Variants in RBFOX3 observed in about 807,000 individuals in gnomAD.
RBFOX3 encodes the protein RNA binding protein fox-1 homolog 3.
RBFOX3 carries 17 observed loss-of-function variants against 48.7 expected under a neutral mutation model. That is an observed-to-expected ratio of 0.35 (90% CI 0.24 to 0.52). RBFOX3 has a LOEUF of 0.52. Among genes scored for constraint, RBFOX3 ranks in the 20% least tolerant of loss-of-function variants. The pLI is 0.94. For missense variants in RBFOX3, 382 were observed against 497.5 expected, an observed-to-expected ratio of 0.77 and a Z score of 2.21; for synonymous variants, 212 against 209.5, an observed-to-expected ratio of 1.01 and a Z score of -0.10.
chr17:79,475,791 T>A (rs2077652753), intron 2 of RBFOX3, among the ~76,000 whole-genome samples: 1 of 152,126 alleles, frequency 6.6e-6, no homozygotes, highest in East Asian at 1.9e-4. Context: ...TGACAGTGCA[T>A]CTATAAGCCA....
At chr17:79,637,010 T>C in the RBFOX3 span, among the ~76,000 whole-genome samples, 1 of 152,224 alleles carries the variant, frequency 6.6e-6, no homozygotes, top group East Asian at 1.9e-4. Context: ...GTGGCTATGC[T>C]TATGTCAGAT....
the RBFOX3 span, among the ~76,000 whole-genome samples, chr17:79,653,550 G>C: frequency 6.6e-6 from 1 of 152,110 alleles, no homozygotes; most frequent in African/African-American, 2.4e-5. Context: ...ATAAAAACCC[G>C]ATCTACCATA....
intron 2 of RBFOX3, among the ~76,000 whole-genome samples, chr17:79,333,038 T>G: frequency 1.4e-5 from 2 of 143,678 alleles, no homozygotes; most frequent in African/African-American, 5.2e-5. Flanking sequence ...GGGAGAGACA[T>G]ATAGATAGAC....
chr17:79,257,538 T>C (rs1348957929), intron 3 of RBFOX3, among the ~76,000 whole-genome samples: 1 of 152,178 alleles, frequency 6.6e-6, no homozygotes, highest in African/African-American at 2.4e-5. Context: ...GCAGGGCCCA[T>C]GGGGCCAGGA....
At chr17:79,617,061 C>T in the RBFOX3 span, among the ~76,000 whole-genome samples, 1 of 152,204 alleles carries the variant, frequency 6.6e-6, no homozygotes, top group Non-Finnish European at 1.5e-5. Flanking sequence ...CAAGGTTTAT[C>T]ATCCCTCTTT....
At chr17:79,616,827 C>A in the RBFOX3 span, among the ~76,000 whole-genome samples, 8 of 152,210 alleles carry the variant, frequency 5.3e-5, no homozygotes, top group African/African-American at 1.9e-4. Context: ...AACATTTATA[C>A]TGTGTGGGCT....
chr17:79,293,132 C>T (rs1051644330), intron 3 of RBFOX3, among the ~76,000 whole-genome samples: 2 of 152,214 alleles, frequency 1.3e-5, no homozygotes, highest in Non-Finnish European at 2.9e-5. Flanking sequence ...AGTATGGCCT[C>T]ATTTGACCCT....
intron 1 of RBFOX3, among the ~76,000 whole-genome samples, chr17:79,498,312 C>T (rs1045871593): frequency 3.3e-4 from 50 of 152,136 alleles, no homozygotes; most frequent in African/African-American, 1.2e-3. Flanking sequence ...TCTTGTGGAG[C>T]TTCATGAAGG....
chr17:79,304,995 G>A (rs931497908), intron 3 of RBFOX3, among the ~76,000 whole-genome samples: 16 of 152,152 alleles, frequency 1.1e-4, no homozygotes, highest in African/African-American at 2.7e-4. Context: ...TTCCATGGAC[G>A]CTATCCTGAG....
At chr17:79,257,106 C>T (rs2148392305) in intron 3 of RBFOX3, among the ~76,000 whole-genome samples, 1 of 152,218 alleles carries the variant, frequency 6.6e-6, no homozygotes, top group East Asian at 1.9e-4. Context: ...CACATCCTTC[C>T]CCTGGGAGAG....
chr17:79,325,827 C>G (rs1482690181), intron 2 of RBFOX3, among the ~76,000 whole-genome samples: 1 of 152,130 alleles, frequency 6.6e-6, no homozygotes, highest in Non-Finnish European at 1.5e-5. Context: ...CATTACAGGG[C>G]GAGGCTGTGC....
chr17:79,426,258 G>A (rs1192104803), intron 2 of RBFOX3, among the ~76,000 whole-genome samples: 1 of 152,176 alleles, frequency 6.6e-6, no homozygotes, highest in Admixed American at 6.5e-5. Flanking sequence ...GTCCCATGCA[G>A]GCAAGGCCCA....
chr17:79,613,906 G>A (rs1433261350), upstream of RBFOX3, among the ~76,000 whole-genome samples: 1 of 152,208 alleles, frequency 6.6e-6, no homozygotes, highest in Non-Finnish European at 1.5e-5. Context: ...TCCGGGAGGT[G>A]GAGGTTGCAG....
intron 4 of RBFOX3, among the ~76,000 whole-genome samples, chr17:79,226,233 GA>G (rs942426235): frequency 3.3e-5 from 5 of 152,326 alleles, no homozygotes; most frequent in African/African-American, 9.6e-5. Context: ...TCCTATATGG[GA>G]GGGTATTGTG....
Position 79,535,532 on chromosome 17 carries a change from T to A in RBFOX3, c.-319-52934A>T, listed in dbSNP as rs557321594. 2.0e-4 allele frequency among the ~76,000 whole-genome samples: 30 copies of A among 152,320 alleles called. No homozygotes were observed. The highest frequency in any genetic ancestry group is 1.4e-3 in the Admixed American group (22 of 15,304). On this transcript the variant is annotated intron_variant, in intron 1 of 14. Coordinates refer to ENST00000693108, the MANE Select transcript of RBFOX3 (RefSeq NM_001350451.2). The surrounding 1 kb of genome is among the most constrained non-coding windows in gnomAD (Gnocchi z 4.5). ...ACCCCAAACGAATGAGGCCCTCAGA[T>A]GATCCACAGGCTGGAAGGGGCCCGG...
intron 4 of RBFOX3, among the ~76,000 whole-genome samples, chr17:79,215,707 C>T (rs952265821): frequency 3.9e-5 from 6 of 152,254 alleles, no homozygotes. Context: ...CTGGACGTAG[C>T]CCAGCAGGAG....
intron 11 of RBFOX3, 31 bp from the exon 12 acceptor site, chr17:79,096,864 T>C (rs2075364623): frequency 1.6e-6 from 1 of 644,586 alleles, no homozygotes; most frequent in Non-Finnish European, 2.7e-6. Flanking sequence ...AGTAACACCC[T>C]TGCTGATCAG....
chr17:79,110,897 ACCAGCG>A (rs1381176131), intron 5 of RBFOX3, among the ~76,000 whole-genome samples: 1 of 152,164 alleles, frequency 6.6e-6, no homozygotes, highest in African/African-American at 2.4e-5. Flanking sequence ...TGCTTTGGGG[ACCAGCG>A]CCTCCTCTCT....
chr17:79,610,771 C>T (rs1261360738), intron 1 of RBFOX3, among the ~76,000 whole-genome samples, 55 bp downstream of exon 1: 1 of 152,056 alleles, frequency 6.6e-6, no homozygotes, highest in Admixed American at 6.5e-5. Flanking sequence ...CCCAGCTCAG[C>T]CCGATGGGAA....
Sources: allele counts gnomAD v4.1 joint callset (sites outside exome capture counted in the v4.1 genomes callset), GRCh38; gene constraint gnomAD v4.1.1; non-coding constraint Gnocchi (gnomAD v3.1); transcripts MANE v1.5; gene names NCBI Gene and HGNC (gene_info 2026-07-23, HGNC 2026-07-21).